Variants in MECOM observed in about 807,000 individuals in gnomAD.
MECOM encodes histone-lysine N-methyltransferase MECOM.
A neutral mutation model predicts 116.3 loss-of-function variants in MECOM; 13 were observed. The observed-to-expected ratio is 0.11, with a 90% CI of 0.07 to 0.18. The LOEUF is 0.18. MECOM is among the 10% of genes least tolerant of loss of function. The pLI is 1.00. For synonymous variants in MECOM, 528 were observed against 535.2 expected (o/e 0.99, Z 0.19); for missense variants, 1,299 against 1,509.0 (o/e 0.86, Z 2.31).
Position 169,128,000 on chromosome 3 carries a change from G to T in MECOM, c.674C>A (p.Ala225Glu). The T allele has an allele frequency of 4.3e-6, 7 of 1,614,038 alleles. No homozygotes were observed. Among genetic ancestry groups the T allele is most frequent in the Non-Finnish European group, 5.1e-6 (6 of 1,179,948 alleles). The change falls in exon 5 of 17, where the codon GCA becomes GAA. Residue 225 changes from alanine to glutamate, a missense_variant. Around this residue, in one of 6 missense-constraint regions of MECOM, gnomAD observed 374 missense variants for 433.4 expected, o/e 0.86. Coordinates refer to ENST00000651503, the MANE Select transcript of MECOM (RefSeq NM_004991.4). ...DQLFESKAEL[A>E]DHQKFPCSTP... ...ACTGCATGGAAACTTTTGGTGATCT[G>T]CTAGTTCAGCCTTAGATTCAAAGAG...
At chr3:169,406,508 C>T (rs113166451) in intron 1 of MECOM, among the ~76,000 whole-genome samples, 1 of 152,094 alleles carries the variant, frequency 6.6e-6, no homozygotes, top group Non-Finnish European at 1.5e-5. Context: ...TCAAGAAAAG[C>T]GATTGAAGGC....
chr3:169,195,656 T>C (rs777702198), intron 2 of MECOM, among the ~76,000 whole-genome samples: 11 of 152,056 alleles, frequency 7.2e-5, no homozygotes, highest in Non-Finnish European at 1.6e-4. Context: ...ATGTTTTCAC[T>C]CTTGCCTTTA....
intron 1 of MECOM, among the ~76,000 whole-genome samples, chr3:169,415,754 T>G (rs1261767633): frequency 6.6e-6 from 1 of 151,778 alleles, no homozygotes; most frequent in Non-Finnish European, 1.5e-5. Context: ...AAACAGACTT[T>G]AAACCAACAA....
At chr3:169,600,231 C>A (rs1767679228) in intron 1 of MECOM, among the ~76,000 whole-genome samples, 1 of 152,096 alleles carries the variant, frequency 6.6e-6, no homozygotes, top group Non-Finnish European at 1.5e-5. Context: ...CTCAGCCTCC[C>A]AAAGTACTAG....
chr3:169,510,907 T>C (rs1049934694), intron 1 of MECOM, among the ~76,000 whole-genome samples: 2 of 152,162 alleles, frequency 1.3e-5, no homozygotes, highest in Non-Finnish European at 2.9e-5. Flanking sequence ...TAAAAACCTC[T>C]TTCAATAGGA....
intron 1 of MECOM, among the ~76,000 whole-genome samples, chr3:169,542,826 T>A (rs980109046): frequency 1.3e-5 from 2 of 152,226 alleles, no homozygotes; most frequent in Non-Finnish European, 2.9e-5. Context: ...GGGGTTATCA[T>A]TAATGATCTG....
At chr3:169,241,761 C>G (rs183445593) in intron 2 of MECOM, among the ~76,000 whole-genome samples, 5 of 152,150 alleles carry the variant, frequency 3.3e-5, no homozygotes, top group Admixed American at 2.6e-4. Flanking sequence ...AATGTTTGAC[C>G]AATGTTGCAT....
At position 169,248,787 on chromosome 3, in the gene MECOM, A is replaced by T. The variant is rs138934609; in HGVS notation, c.376-104955T>A. On this transcript the variant is annotated intron_variant, in intron 2 of 16. Transcript: ENST00000651503. ...GGCATGCATGCTCAGAGGAAAGATC[A>T]TGTAAGTAGGGCATAGTAAGTAGGT... is the stretch of plus-strand genomic sequence containing the variant. Among the ~76,000 whole-genome samples, 7 of 152,316 alleles carry T rather than the reference A, an allele frequency of 4.6e-5. No individual in the cohort carries two copies. In the East Asian group the frequency reaches 1.4e-3, roughly 29 times the overall value.
intron 1 of MECOM, among the ~76,000 whole-genome samples, chr3:169,645,874 C>G (rs760631157): frequency 2.8e-4 from 42 of 152,296 alleles, no homozygotes; most frequent in Admixed American, 5.2e-4. Flanking sequence ...ACATTGCTCT[C>G]CACTACCTGA....
intron 1 of MECOM, among the ~76,000 whole-genome samples, chr3:169,486,029 A>ATATATATATACATATATATAC (rs1752329076): frequency 8.6e-6 from 1 of 115,778 alleles, no homozygotes; most frequent in Non-Finnish European, 1.7e-5. Flanking sequence ...TATATATAGT[A>ATATATATATACATATATATAC]TATATATATA....
chr3:169,655,384 G>A (rs1263338619), intron 1 of MECOM, among the ~76,000 whole-genome samples: 1 of 152,182 alleles, frequency 6.6e-6, no homozygotes, highest in African/African-American at 2.4e-5. Flanking sequence ...CAACCCAGCT[G>A]CAGTAGTAAA....
chr3:169,644,900 C>T (rs1359022830), intron 1 of MECOM, among the ~76,000 whole-genome samples: 1 of 152,144 alleles, frequency 6.6e-6, no homozygotes, highest in African/African-American at 2.4e-5. Context: ...CACCTGCACA[C>T]ATTTTATAAA....
chr3:169,087,307 A>C (rs960072334), intron 16 of MECOM, among the ~76,000 whole-genome samples: 9 of 152,202 alleles, frequency 5.9e-5, no homozygotes, highest in South Asian at 4.1e-4. Flanking sequence ...AAAAGAAAAA[A>C]CCATGGCCAG....
At chr3:169,257,943 G>A (rs879243170) in intron 2 of MECOM, among the ~76,000 whole-genome samples, 5 of 152,176 alleles carry the variant, frequency 3.3e-5, no homozygotes, top group African/African-American at 9.6e-5. Flanking sequence ...AAAAGTAGCC[G>A]GGCATGGCGG....
intron 3 of MECOM, among the ~76,000 whole-genome samples, chr3:169,139,386 G>A: frequency 1.1e-5 from 1 of 88,378 alleles, no homozygotes; most frequent in Non-Finnish European, 2.5e-5. Context: ...CCATGTTAGG[G>A]CAGGCCAGGA....
At chr3:169,556,872 C>A (rs1490916650) in intron 1 of MECOM, among the ~76,000 whole-genome samples, 1 of 152,084 alleles carries the variant, frequency 6.6e-6, no homozygotes, top group East Asian at 1.9e-4. Context: ...TACAACCACA[C>A]TGTTATGCCA....
intron 2 of MECOM, among the ~76,000 whole-genome samples, chr3:169,342,286 A>C (rs1191507866): frequency 1.3e-5 from 2 of 151,944 alleles, no homozygotes; most frequent in African/African-American, 4.8e-5. Flanking sequence ...TATATATAAA[A>C]TATCTGTTAT....
intron 2 of MECOM, among the ~76,000 whole-genome samples, chr3:169,341,415 A>G: frequency 1.6e-5 from 2 of 127,416 alleles, no homozygotes; most frequent in Non-Finnish European, 1.6e-5. Context: ...GGGGAGGTGG[A>G]GAGGGTTAAT....
intron 1 of MECOM, among the ~76,000 whole-genome samples, chr3:169,437,658 C>T (rs1208710068): frequency 2.6e-5 from 4 of 152,096 alleles, no homozygotes; most frequent in Admixed American, 2.6e-4. Context: ...AGGGGTAAAG[C>T]TATTCTTGAG....
Sources: allele counts gnomAD v4.1 joint callset (sites outside exome capture counted in the v4.1 genomes callset), GRCh38; gene constraint gnomAD v4.1.1; regional missense constraint gnomAD v4.1.1; transcripts MANE v1.5; gene names NCBI Gene and HGNC (gene_info 2026-07-23, HGNC 2026-07-21).